The following MAGI1 variants were observed in gnomAD, a reference collection of about 807,000 sequenced individuals.
The protein encoded by MAGI1 is membrane associated guanylate kinase, WW and PDZ domain containing 1.
MAGI1 carries 58 observed loss-of-function variants against 139.9 expected under a neutral mutation model. The ratio of observed to expected loss-of-function variants is 0.41; its 90% CI spans 0.34 to 0.52. The LOEUF (loss-of-function observed/expected upper bound fraction) is 0.52, where lower values mean the gene tolerates loss of function less well. Among genes scored for constraint, MAGI1 ranks in the 20% least tolerant of loss-of-function variants. The probability of loss-of-function intolerance (pLI) is 0.12; values close to 1 mark genes in which losing one functional copy is unlikely to be tolerated. For missense variants in MAGI1, 1,874 were observed against 1,901.6 expected, an observed-to-expected ratio of 0.99 and a Z score of 0.27; for synonymous variants, 812 against 737.9, an observed-to-expected ratio of 1.10 and a Z score of -1.63.
chr3:65,559,491 T>A lies in MAGI1; in HGVS notation c.430+62481A>T, dbSNP rs181717065. On this transcript the variant is annotated intron_variant, in intron 2 of 22. Transcript: ENST00000402939. ...TATCTACATATTACTTTAAATTTTT[T>A]AATTTAATTCTACTTGTTTTTCTTT... Among the ~76,000 whole-genome samples the A allele has an allele frequency of 3.6e-3, 546 of 152,354 alleles. 4 individuals carry two copies. Among genetic ancestry groups the A allele is most frequent in the African/African-American group, 0.013 (524 of 41,588 alleles).
intron 2 of MAGI1, among the ~76,000 whole-genome samples, chr3:65,594,128 A>T (rs2082083977): frequency 6.6e-6 from 1 of 152,226 alleles, no homozygotes; most frequent in Non-Finnish European, 1.5e-5. Flanking sequence ...AAGAAATAAT[A>T]ATCAGCAACA....
intron 12 of MAGI1, among the ~76,000 whole-genome samples, chr3:65,405,288 G>A (rs538293337): frequency 7.2e-5 from 11 of 152,286 alleles, no homozygotes; most frequent in Admixed American, 7.2e-4. Flanking sequence ...GTAAGGAGGA[G>A]AAATCTGTTT....
At chr3:65,795,600 TG>T (rs2108094142) in intron 1 of MAGI1, among the ~76,000 whole-genome samples, 1 of 152,168 alleles carries the variant, frequency 6.6e-6, no homozygotes, top group East Asian at 1.9e-4. Flanking sequence ...TACAACTACT[TG>T]TAAATCTCCA....
intron 2 of MAGI1, among the ~76,000 whole-genome samples, chr3:65,536,088 C>A (rs1213674220): frequency 6.6e-6 from 1 of 152,194 alleles, no homozygotes; most frequent in African/African-American, 2.4e-5. Flanking sequence ...CTGGCATGGA[C>A]TGTGTTATTT....
chr3:65,628,879 T>G lies in MAGI1; in HGVS notation c.314-6791A>C, dbSNP rs1034902824. ...ATTATAGTTTTTAAATTGTCTTTTA[T>G]GTTTTCCTTTCTGTGACTTGCCTGT... On this transcript the variant is annotated intron_variant, in intron 1 of 22. Coordinates refer to ENST00000402939, the MANE Select transcript of MAGI1 (RefSeq NM_001033057.2). Among the ~76,000 whole-genome samples, 5 of 152,350 alleles carry G rather than the reference T, an allele frequency of 3.3e-5. No homozygotes were observed. The East Asian group carries it at 5.8e-4, about 18-fold the overall frequency.
chr3:65,655,661 G>C (rs1366975704), intron 1 of MAGI1, among the ~76,000 whole-genome samples: 1 of 152,182 alleles, frequency 6.6e-6, no homozygotes, highest in Non-Finnish European at 1.5e-5. Context: ...ACCACTCTTT[G>C]ATATGGGAAC....
intron 1 of MAGI1, among the ~76,000 whole-genome samples, chr3:65,931,005 C>T (rs2062781563): frequency 6.6e-6 from 1 of 151,868 alleles, no homozygotes; most frequent in Non-Finnish European, 1.5e-5. Flanking sequence ...GCTCTGCCTA[C>T]GAAGTAGCTA....
intron 22 of MAGI1, chr3:65,360,247 A>C: frequency 1.5e-5 from 15 of 985,374 alleles, no homozygotes; most frequent in Non-Finnish European, 1.8e-5. Flanking sequence ...ATCCCTAATA[A>C]AGGGGACCAA....
intron 2 of MAGI1, among the ~76,000 whole-genome samples, chr3:65,595,754 A>G (rs1170153674): frequency 6.6e-6 from 1 of 150,662 alleles, no homozygotes; most frequent in Non-Finnish European, 1.5e-5. Flanking sequence ...TATACAGCCT[A>G]AGAAAGAAAC....
At chr3:65,429,431 A>G in intron 12 of MAGI1, 89 bp downstream of exon 12, 1 of 1,310,206 alleles carries the variant, frequency 7.6e-7, no homozygotes, top group Non-Finnish European at 1.0e-6. Flanking sequence ...TAAATTTAAA[A>G]AGCCCCCAGT....
At chr3:65,911,940 G>T (rs994361234) in intron 1 of MAGI1, among the ~76,000 whole-genome samples, 1 of 152,162 alleles carries the variant, frequency 6.6e-6, no homozygotes, top group African/African-American at 2.4e-5. Flanking sequence ...CCAGTCCAAG[G>T]CAAAGAGATT....
intron 1 of MAGI1, among the ~76,000 whole-genome samples, chr3:65,875,459 C>T (rs1033164907): frequency 2.6e-5 from 4 of 152,066 alleles, no homozygotes; most frequent in African/African-American, 7.2e-5. Context: ...TAAATGACTA[C>T]GAAATTTACA....
chr3:65,695,724 G>C (rs1245877796), intron 1 of MAGI1, among the ~76,000 whole-genome samples: 1 of 152,136 alleles, frequency 6.6e-6, no homozygotes, highest in Non-Finnish European at 1.5e-5. Context: ...TGTTGGAAAA[G>C]AAATAAAAAG....
At chr3:65,806,728 G>A (rs967980281) in intron 1 of MAGI1, among the ~76,000 whole-genome samples, 1 of 152,154 alleles carries the variant, frequency 6.6e-6, no homozygotes, top group Non-Finnish European at 1.5e-5. Flanking sequence ...AATCAGTGAT[G>A]TCATCTGAAA....
intron 1 of MAGI1, among the ~76,000 whole-genome samples, chr3:65,865,553 C>G (rs1397944997): frequency 6.6e-6 from 1 of 151,660 alleles, no homozygotes; most frequent in Non-Finnish European, 1.5e-5. Context: ...CAAGATCACA[C>G]CACTGCAATC....
At chr3:65,571,407 A>C (rs1447625918) in intron 2 of MAGI1, among the ~76,000 whole-genome samples, 1 of 152,162 alleles carries the variant, frequency 6.6e-6, no homozygotes, top group Non-Finnish European at 1.5e-5. Context: ...TATCACTCAA[A>C]GAAAATGGTA....
chr3:65,360,306 C>A (rs972324165), intron 22 of MAGI1: 1 of 983,978 alleles, frequency 1.0e-6, no homozygotes, highest in Admixed American at 6.2e-5. Flanking sequence ...CTTTGGTAGA[C>A]CTTTGGTTGG....
chr3:65,675,483 T>G (rs2087130177), intron 1 of MAGI1, among the ~76,000 whole-genome samples: 1 of 152,126 alleles, frequency 6.6e-6, no homozygotes, highest in Non-Finnish European at 1.5e-5. Context: ...CAGAAAAAAT[T>G]ATTTATTAGA....
intron 1 of MAGI1, among the ~76,000 whole-genome samples, chr3:65,786,670 G>A (rs1041791512): frequency 1.4e-5 from 2 of 144,390 alleles, no homozygotes; most frequent in Non-Finnish European, 3.0e-5. Flanking sequence ...GGAGTGCAGT[G>A]GCACGATCTC....
Sources: allele counts gnomAD v4.1 joint callset (sites outside exome capture counted in the v4.1 genomes callset), GRCh38; gene constraint gnomAD v4.1.1; transcripts MANE v1.5; gene names NCBI Gene and HGNC (gene_info 2026-07-23, HGNC 2026-07-21).